The following BLM variants were observed in gnomAD, a reference collection of about 807,000 sequenced individuals.
The protein encoded by BLM is BLM RecQ like helicase, also known as recQ-like DNA helicase BLM.
Under a neutral mutation model 135.3 loss-of-function variants are expected in BLM, and 95 were observed. That is an observed-to-expected ratio of 0.70 (90% CI 0.59 to 0.83). The LOEUF (loss-of-function observed/expected upper bound fraction) is 0.83, where lower values mean the gene tolerates loss of function less well. Among genes scored for constraint, BLM ranks in the 40% least tolerant of loss-of-function variants. The probability of loss-of-function intolerance (pLI) is 0.00; values close to 1 mark genes in which losing one functional copy is unlikely to be tolerated. For missense variants in BLM, 1,518 were observed against 1,663.9 expected (o/e 0.91, Z 1.53); for synonymous variants, 520 against 589.2 (o/e 0.88, Z 1.70).
intron 1 of BLM, among the ~76,000 whole-genome samples, chr15:90,743,202 C>T: frequency 6.6e-6 from 1 of 151,694 alleles, no homozygotes; most frequent in South Asian, 2.1e-4. Context: ...TAGTCTCAAA[C>T]TCCTGGGCTC....
At position 90,789,887 on chromosome 15, in the gene BLM, A is replaced by G. The variant is rs539760904; in HGVS notation, c.2824-762A>G. ...AATAGCTCCTAAATTCTCAACTGAA[A>G]TGGATATCCTTGAAAACTGATTTAT... On this transcript the variant is annotated intron_variant, in intron 14 of 21. Transcript: ENST00000355112. 6.6e-5 allele frequency among the ~76,000 whole-genome samples: 10 copies of G among 151,914 alleles called. No individual in the cohort carries two copies. The East Asian group carries it at 1.9e-3, about 29-fold the overall frequency.
rs1895958443 is a variant in BLM at position 90,760,829 on chromosome 15, C to G, written c.1456C>G (p.Leu486Val). The G allele has an allele frequency of 6.2e-7, 1 of 1,614,024 alleles. No individual in the cohort carries two copies. Among genetic ancestry groups the G allele is most frequent in the Non-Finnish European group, 8.5e-7 (1 of 1,180,024 alleles). ...AGGATTCTCTGCCACCAGGAAGAAT[C>G]TTTTTGAAAGGCCTTTATTCAATAC... is the stretch of plus-strand genomic sequence containing the variant. ...KTGFSATRKN[L>V]FERPLFNTHL... Residue 486 changes from leucine to valine, a missense_variant, in exon 7 of 22, where the codon CTT becomes GTT. This residue lies in a region of BLM where 724 missense variants were observed against 756.9 expected (regional missense o/e 0.96). Transcript: ENST00000355112.
chr15:90,734,700 GAGAGAGAGAGA>G (rs1282325126), intron 1 of BLM, among the ~76,000 whole-genome samples: 1 of 56,888 alleles, frequency 1.8e-5, no homozygotes, highest in African/African-American at 1.9e-4. Context: ...CACACGCAGA[GAGAGAGAGAGA>G]GAGAGAGAGA....
intron 4 of BLM, among the ~76,000 whole-genome samples, chr15:90,752,304 T>G (rs1596221681): frequency 6.6e-6 from 1 of 152,114 alleles, no homozygotes; most frequent in Non-Finnish European, 1.5e-5. Context: ...GCCTCCCAGG[T>G]AGCTGGAACT....
At chr15:90,724,560 C>G (rs546346831) in intron 1 of BLM, among the ~76,000 whole-genome samples, 1 of 152,262 alleles carries the variant, frequency 6.6e-6, no homozygotes, top group South Asian at 2.1e-4. Flanking sequence ...CCCTGTCCAC[C>G]CGCATTCCAG....
chr15:90,790,632 T>G lies in BLM; in HGVS notation c.2824-17T>G, dbSNP rs1358314318. On this transcript the variant is annotated splice_polypyrimidine_tract_variant and intron_variant, in intron 14 of 21. Coordinates refer to ENST00000355112, the MANE Select transcript of BLM (RefSeq NM_000057.4). ...TCTGTGCCTTATGAATCTAATAAGC[T>G]TTTGCTTTTATATCAGGTTATCTGT... 1 of 1,611,284 alleles carries G rather than the reference T, an allele frequency of 6.2e-7. No individual in the cohort carries two copies. Among genetic ancestry groups the G allele is most frequent in the East Asian group, 2.2e-5 (1 of 44,870 alleles).
chr15:90,739,560 A>T (rs1027452964), intron 1 of BLM, among the ~76,000 whole-genome samples: 2 of 152,196 alleles, frequency 1.3e-5, no homozygotes, highest in Non-Finnish European at 2.9e-5. Context: ...GTCTCACAAC[A>T]TAGATAAAGC....
At chr15:90,802,243 G>T (rs28385131) in intron 17 of BLM, among the ~76,000 whole-genome samples, 23,398 of 152,126 alleles carry the variant, frequency 0.15, 1,917 homozygotes, top group Non-Finnish European at 0.19. Flanking sequence ...CATTTGAAAT[G>T]GACAATAATA....
intron 8 of BLM, 101 bp from the exon 9 acceptor site, chr15:90,765,195 A>G: frequency 4.3e-6 from 4 of 932,820 alleles, no homozygotes; most frequent in Non-Finnish European, 7.1e-6. Flanking sequence ...CAGGGACAAT[A>G]TGCCTTGGTG....
chr15:90,780,836 G>T (rs1425268214), intron 12 of BLM, among the ~76,000 whole-genome samples: 1 of 152,182 alleles, frequency 6.6e-6, no homozygotes, highest in Non-Finnish European at 1.5e-5. Context: ...TTAATACATT[G>T]TATTGAGTAT....
At chr15:90,734,364 T>C (rs1219413283) in intron 1 of BLM, among the ~76,000 whole-genome samples, 3 of 151,940 alleles carry the variant, frequency 2.0e-5, no homozygotes, top group Admixed American at 6.6e-5. Context: ...CTCAGCTCAC[T>C]GCAACCTCCA....
intron 1 of BLM, among the ~76,000 whole-genome samples, chr15:90,739,326 G>A (rs1444842618): frequency 2.0e-5 from 3 of 152,052 alleles, no homozygotes; most frequent in Non-Finnish European, 4.4e-5. Context: ...ACTTGAACCC[G>A]GGAGGCAGAG....
At chr15:90,803,163 TAA>T (rs71463769) in intron 17 of BLM, among the ~76,000 whole-genome samples, 22,334 of 133,742 alleles carry the variant, frequency 0.17, 1,765 homozygotes, top group Non-Finnish European at 0.2. Flanking sequence ...ACCCTGTCTC[TAA>T]AAAAAAAAAA....
intron 19 of BLM, among the ~76,000 whole-genome samples, chr15:90,807,309 T>G (rs1296200284): frequency 1.3e-5 from 2 of 152,244 alleles, no homozygotes; most frequent in Non-Finnish European, 2.9e-5. Flanking sequence ...CTTTCTTAGG[T>G]CACGTAAAGC....
intron 1 of BLM, among the ~76,000 whole-genome samples, chr15:90,739,409 TTAATAA>T (rs993871823): frequency 5.9e-5 from 9 of 151,614 alleles, no homozygotes; most frequent in Non-Finnish European, 1.3e-4. Flanking sequence ...TCAAAAAATA[TTAATAA>T]TAATAAAGGA....
At chr15:90,723,804 A>G (rs1315899544) in intron 1 of BLM, among the ~76,000 whole-genome samples, 4 of 151,882 alleles carry the variant, frequency 2.6e-5, no homozygotes, top group Admixed American at 2.0e-4. Flanking sequence ...ACAACTCCCC[A>G]TTTCCTGAAA....
chr15:90,791,197 A>G (rs905032997), intron 15 of BLM, among the ~76,000 whole-genome samples: 3 of 152,144 alleles, frequency 2.0e-5, no homozygotes, highest in Admixed American at 2.0e-4. Context: ...GCAGGAAGAT[A>G]AAAAGGAGAA....
At position 90,724,480 on chromosome 15, in the gene BLM, G is replaced by A. The variant is rs112625797; in HGVS notation, c.-5+7040G>A. On this transcript the variant is annotated intron_variant, in intron 1 of 21. Transcript: ENST00000355112. Reference sequence around the variant, plus strand: ...AGTTCAGTTCTTTAGCAGACACTGGGTGTCCTACATTTAGCTCAGGTCTGA... The same window carrying A: ...AGTTCAGTTCTTTAGCAGACACTGGATGTCCTACATTTAGCTCAGGTCTGA... 6.0e-3 allele frequency among the ~76,000 whole-genome samples: 914 copies of A among 151,962 alleles called. 11 individuals are homozygous for A. The highest frequency in any genetic ancestry group is 0.021 in the African/African-American group (853 of 41,432).
At chr15:90,767,292 C>T (rs1283397901) in intron 10 of BLM, among the ~76,000 whole-genome samples, 1 of 152,178 alleles carries the variant, frequency 6.6e-6, no homozygotes, top group Non-Finnish European at 1.5e-5. Flanking sequence ...AACGTATTCT[C>T]TCATATAACC....
Sources: gnomAD v4.1 joint callset for allele counts (sites outside exome capture counted in the v4.1 genomes callset) on GRCh38, gnomAD v4.1.1 for gene constraint, gnomAD v4.1.1 regional missense constraint, MANE v1.5 for transcripts, NCBI Gene and HGNC (gene_info 2026-07-23, HGNC 2026-07-21) for gene names.